The following RTN1 variants were observed in gnomAD, a reference collection of about 807,000 sequenced individuals.
The protein encoded by RTN1 is reticulon 1, also known as reticulon-1.
Under a neutral mutation model 65.5 loss-of-function variants are expected in RTN1, and 25 were observed. That is an observed-to-expected ratio of 0.38 (90% CI 0.28 to 0.53). RTN1 has a LOEUF of 0.53. Among genes scored for constraint, RTN1 ranks in the 20% least tolerant of loss-of-function variants. The probability of loss-of-function intolerance (pLI) is 0.79; values close to 1 mark genes in which losing one functional copy is unlikely to be tolerated. For missense variants in RTN1, 983 were observed against 1,025.4 expected, an observed-to-expected ratio of 0.96 and a Z score of 0.57; for synonymous variants, 471 against 447.6, an observed-to-expected ratio of 1.05 and a Z score of -0.66.
At chr14:59,622,676 C>T (rs73307698) in intron 3 of RTN1, among the ~76,000 whole-genome samples, 3,670 of 152,250 alleles carry the variant, frequency 0.024, 84 homozygotes, top group African/African-American at 0.055. Flanking sequence ...AATCTTCCCT[C>T]GTTTGACATT....
At chr14:59,653,251 G>A (rs535942968) in intron 3 of RTN1, among the ~76,000 whole-genome samples, 40 of 152,284 alleles carry the variant, frequency 2.6e-4, no homozygotes, top group African/African-American at 8.9e-4. Flanking sequence ...CCAGAAAGAA[G>A]TTCCATGACA....
At chr14:59,721,234 G>T (rs781425949) in intron 3 of RTN1, among the ~76,000 whole-genome samples, 44 of 152,176 alleles carry the variant, frequency 2.9e-4, no homozygotes, top group Non-Finnish European at 4.7e-4. Flanking sequence ...TGCCACAAGG[G>T]GCTGAGCCCT....
At chr14:59,792,159 T>G (rs1886360472) in intron 1 of RTN1, among the ~76,000 whole-genome samples, 1 of 152,154 alleles carries the variant, frequency 6.6e-6, no homozygotes, top group Admixed American at 6.6e-5. Flanking sequence ...TTGCTGGGTT[T>G]TAAATTTATT....
intron 3 of RTN1, among the ~76,000 whole-genome samples, chr14:59,626,746 T>TA (rs1052942258): frequency 1.3e-4 from 20 of 152,046 alleles, no homozygotes; most frequent in East Asian, 3.8e-4. Flanking sequence ...ATGAGAGTAA[T>TA]AAAAAAAGTC....
intron 1 of RTN1, among the ~76,000 whole-genome samples, chr14:59,820,363 T>G (rs1449534802): frequency 1.8e-5 from 2 of 112,296 alleles, no homozygotes; most frequent in East Asian, 2.4e-4. Flanking sequence ...ATAGTTTTTT[T>G]TTTTTTTTTT....
At chr14:59,812,208 C>T (rs1886742194) in intron 1 of RTN1, among the ~76,000 whole-genome samples, 1 of 152,156 alleles carries the variant, frequency 6.6e-6, no homozygotes, top group Non-Finnish European at 1.5e-5. Context: ...CTAAAAATCA[C>T]CACACCACCC....
At chr14:59,678,990 G>A (rs1883687297) in intron 3 of RTN1, among the ~76,000 whole-genome samples, 1 of 152,156 alleles carries the variant, frequency 6.6e-6, no homozygotes, top group East Asian at 1.9e-4. Flanking sequence ...TTGGGTTCTT[G>A]AGTTCAACTG....
At position 59,706,448 on chromosome 14, in the gene RTN1, T is replaced by C. The variant is rs188563139; in HGVS notation, c.1765+20471A>G. On this transcript the variant is annotated intron_variant, in intron 3 of 8. Coordinates refer to ENST00000267484, the MANE Select transcript of RTN1 (RefSeq NM_021136.3). ...TGAACACCTGTAATGCCTTTTCTCC[T>C]GTTAATCTGTCTGTTGTCAGTTTAT... 5.3e-5 allele frequency among the ~76,000 whole-genome samples: 8 copies of C among 152,376 alleles called. No individual in the cohort carries two copies. In the East Asian group the frequency reaches 1.5e-3, roughly 29 times the overall value.
chr14:59,837,563 G>A (rs1195229906), intron 1 of RTN1, among the ~76,000 whole-genome samples: 3 of 151,740 alleles, frequency 2.0e-5, no homozygotes, highest in African/African-American at 7.3e-5. Flanking sequence ...TCCTTAAAAT[G>A]TAAAGAACTT....
chr14:59,831,051 A>G (rs1004398990), intron 1 of RTN1, among the ~76,000 whole-genome samples: 2 of 152,180 alleles, frequency 1.3e-5, no homozygotes, highest in African/African-American at 4.8e-5. Context: ...AAAAGAAAAA[A>G]ATTTAAATTA....
At position 59,816,457 on chromosome 14, in the gene RTN1, C is replaced by T. The variant is rs893376118; in HGVS notation, c.241+53933G>A. On this transcript the variant is annotated intron_variant, in intron 1 of 8. Transcript: ENST00000267484. The surrounding 1 kb of genome is among the most constrained non-coding windows in gnomAD (Gnocchi z 4.3). ...GAAACAAGAATGGAATCCTCTTTAG[C>T]TCTGTATCTCCAGCACTCACACAGC... 1.3e-5 allele frequency among the ~76,000 whole-genome samples: 2 copies of T among 152,200 alleles called. No individual in the cohort carries two copies. Among genetic ancestry groups the T allele is most frequent in the Non-Finnish European group, 2.9e-5 (2 of 68,028 alleles).
chr14:59,647,810 A>C (rs541478489), intron 3 of RTN1, among the ~76,000 whole-genome samples: 1 of 152,318 alleles, frequency 6.6e-6, no homozygotes, highest in South Asian at 2.1e-4. Flanking sequence ...AATTTATAGC[A>C]CTAAATTCCA....
intron 3 of RTN1, among the ~76,000 whole-genome samples, chr14:59,625,589 C>T (rs1283834555): frequency 1.3e-5 from 2 of 152,046 alleles, no homozygotes; most frequent in Admixed American, 1.3e-4. Context: ...GTTTTTGTTG[C>T]CTACCTAGCC....
chr14:59,870,670 G>A lies in RTN1; in HGVS notation c.-40C>T, dbSNP rs2139686039. On this transcript the variant is annotated 5_prime_UTR_variant, in exon 1 of 9. Coordinates refer to ENST00000267484, the MANE Select transcript of RTN1 (RefSeq NM_021136.3). This position sits in a 1 kb window ranked among gnomAD's most constrained non-coding sequence, Gnocchi z 5.1. ...CGGCGCGGCGACGGCGGCTTGGCTGGGCAGAGGCTCGGTGGCTGCGCGGGC... is the reference window on the plus strand; with the variant it reads ...CGGCGCGGCGACGGCGGCTTGGCTGAGCAGAGGCTCGGTGGCTGCGCGGGC... 7.5e-7 allele frequency: 1 copy of A among 1,336,722 alleles called. No homozygotes were observed. Among genetic ancestry groups the A allele is most frequent in the Non-Finnish European group, 9.5e-7 (1 of 1,052,574 alleles). 82.8% of individuals were successfully genotyped at this position (1,336,722 alleles called of 1,614,324 possible). A position where few individuals can be genotyped will look rare whatever the true frequency, so the allele number is the denominator to read the frequency against.
chr14:59,748,551 G>A (rs541683604), intron 1 of RTN1, among the ~76,000 whole-genome samples: 13 of 151,882 alleles, frequency 8.6e-5, no homozygotes, highest in Admixed American at 8.5e-4. Flanking sequence ...AATCCTATTC[G>A]CTACCCTTCT....
At chr14:59,730,422 T>C (rs934927748) in intron 2 of RTN1, among the ~76,000 whole-genome samples, 2 of 152,222 alleles carry the variant, frequency 1.3e-5, no homozygotes, top group Non-Finnish European at 2.9e-5. Context: ...CATAAAACTC[T>C]AGAAGAAAAC....
At chr14:59,802,833 G>A (rs1201423971) in intron 1 of RTN1, among the ~76,000 whole-genome samples, 5 of 152,204 alleles carry the variant, frequency 3.3e-5, no homozygotes. Context: ...TCTTTAATCA[G>A]AATGATGTCA....
At chr14:59,726,560 G>A (rs1884764470) in intron 3 of RTN1, among the ~76,000 whole-genome samples, 1 of 152,178 alleles carries the variant, frequency 6.6e-6, no homozygotes, top group Admixed American at 6.5e-5. Context: ...CCAGAGCCTG[G>A]ACAATAACAA....
intron 1 of RTN1, among the ~76,000 whole-genome samples, chr14:59,859,702 A>C (rs1170584069): frequency 6.6e-6 from 1 of 152,244 alleles, no homozygotes; most frequent in East Asian, 1.9e-4. Flanking sequence ...GGCTTTGACC[A>C]AAAGCCTGAT....
Sources: gnomAD v4.1 joint callset for allele counts (sites outside exome capture counted in the v4.1 genomes callset) on GRCh38, gnomAD v4.1.1 for gene constraint, Gnocchi (gnomAD v3.1) non-coding constraint, MANE v1.5 for transcripts, NCBI Gene and HGNC (gene_info 2026-07-23, HGNC 2026-07-21) for gene names.